Variants in NECAB2 observed in about 807,000 individuals in gnomAD.
NECAB2 encodes N-terminal EF-hand calcium binding protein 2.
A neutral mutation model predicts 51.9 loss-of-function variants in NECAB2; 68 were observed. That is an observed-to-expected ratio of 1.31 (90% CI 1.08 to 1.60). The LOEUF is 1.60. Among genes scored for constraint, NECAB2 ranks in the 40% most tolerant of loss-of-function variants. NECAB2 has a pLI of 0.00. For missense variants in NECAB2, 854 were observed against 490.3 expected, an observed-to-expected ratio of 1.74 and a Z score of -7.00; for synonymous variants, 329 against 203.5, an observed-to-expected ratio of 1.62 and a Z score of -5.25.
chr16:83,965,763 G>A, upstream of NECAB2: 1 of 1,613,326 alleles, frequency 6.2e-7, no homozygotes, highest in African/African-American at 1.3e-5. Context: ...GTCCTCATCG[G>A]CTCCCACCCC....
At chr16:83,971,820 C>T (rs2084349879) in intron 1 of NECAB2, 2 of 489,102 alleles carry the variant, frequency 4.1e-6, no homozygotes, top group East Asian at 3.7e-5. Context: ...GAGCGTTTGG[C>T]GGTGGGTGAA....
rs140967367 is a variant in NECAB2, at chr16:83,972,157, C to T, written c.208C>T (p.Arg70Cys). 6.2e-6 allele frequency: 10 copies of T among 1,613,334 alleles called. No individual in the cohort carries two copies. Among genetic ancestry groups the T allele is most frequent in the South Asian group, 2.2e-5 (2 of 91,088 alleles). Residue 70 changes from arginine to cysteine, a missense_variant, in exon 2 of 13, where the codon CGC becomes TGC. By Grantham distance (180) the Arg-to-Cys change is radical. Coordinates refer to ENST00000305202, the MANE Select transcript of NECAB2 (RefSeq NM_019065.3). Reference sequence around the variant, plus strand: ...CCGCCTCTCTTTTCTGCAGATTTTCCGCCGTGCGGACAAAAATGGTGAGTT... The same window carrying T: ...CCGCCTCTCTTTTCTGCAGATTTTCTGCCGTGCGGACAAAAATGGTGAGTT... Reference protein sequence around the residue: ...GGTAVILDIFRRADKNDDGKL... With the variant: ...GGTAVILDIFCRADKNDDGKL...
intron 3 of NECAB2, among the ~76,000 whole-genome samples, 164 bp downstream of exon 3, chr16:83,978,716 G>A (rs1376435834): frequency 6.6e-6 from 1 of 151,960 alleles, no homozygotes; most frequent in African/African-American, 2.4e-5. Flanking sequence ...GGGTGAATGG[G>A]GCGTGTGCAG....
chr16:83,997,695 A>C (rs1204587263), intron 9 of NECAB2, among the ~76,000 whole-genome samples: 1 of 151,748 alleles, frequency 6.6e-6, no homozygotes, highest in South Asian at 2.1e-4. Context: ...GGGTTTCACC[A>C]TGTTGGTCAG....
chr16:83,974,182 T>G (rs985974460), intron 2 of NECAB2, among the ~76,000 whole-genome samples: 1 of 152,086 alleles, frequency 6.6e-6, no homozygotes, highest in Non-Finnish European at 1.5e-5. Context: ...AATGTGGGTG[T>G]GAGATGCGGG....
intron 5 of NECAB2, among the ~76,000 whole-genome samples, chr16:83,990,117 C>G (rs1006888409): frequency 6.6e-6 from 1 of 152,218 alleles, no homozygotes; most frequent in African/African-American, 2.4e-5. Context: ...TCACCGTCAT[C>G]TATATTGTAG....
At chr16:83,980,761 T>C in intron 3 of NECAB2, 78 bp from the exon 4 acceptor site, 1 of 1,512,506 alleles carries the variant, frequency 6.6e-7, no homozygotes. Context: ...AGGATGTGTG[T>C]TTCGCAGGCT....
intron 5 of NECAB2, among the ~76,000 whole-genome samples, chr16:83,984,154 C>G (rs1011080831): frequency 2.0e-5 from 3 of 151,832 alleles, no homozygotes. Flanking sequence ...CGCTACTACG[C>G]CTGGCTAATT....
chr16:83,972,377 C>T (rs565420137), intron 2 of NECAB2, among the ~76,000 whole-genome samples: 1 of 152,208 alleles, frequency 6.6e-6, no homozygotes, highest in Non-Finnish European at 1.5e-5. Context: ...GTAGGGCCTA[C>T]TTAGTAGGGA....
chr16:83,988,015 A>C (rs2084576828), intron 5 of NECAB2, among the ~76,000 whole-genome samples: 1 of 152,170 alleles, frequency 6.6e-6, no homozygotes, highest in Admixed American at 6.5e-5. Context: ...TTCTCATTTA[A>C]ATTCTAACTT....
intron 6 of NECAB2, chr16:83,993,682 G>A (rs1016720803): frequency 1.3e-5 from 2 of 159,256 alleles, no homozygotes; most frequent in East Asian, 3.8e-4. Flanking sequence ...GCCTCTGCCT[G>A]TGGCTAGCTG....
intron 2 of NECAB2, among the ~76,000 whole-genome samples, chr16:83,973,857 C>G (rs553420295): frequency 5.1e-4 from 77 of 152,158 alleles, no homozygotes; most frequent in African/African-American, 1.8e-3. Flanking sequence ...GCGTGGGCCT[C>G]TAGCCATGGC....
intron 3 of NECAB2, among the ~76,000 whole-genome samples, chr16:83,979,341 A>T (rs1435447782): frequency 6.6e-6 from 1 of 152,138 alleles, no homozygotes; most frequent in Non-Finnish European, 1.5e-5. Flanking sequence ...GTTCTCTGAG[A>T]CTGACTAGAG....
intron 3 of NECAB2, 88 bp downstream of exon 3, chr16:83,978,640 TG>T: frequency 8.6e-7 from 1 of 1,163,406 alleles, no homozygotes; most frequent in Non-Finnish European, 1.3e-6. Context: ...CCTAGTCCCC[TG>T]TAAGGGGCAG....
rs139805934 is a variant in NECAB2 at position 83,991,689 on chromosome 16, C to G, written c.596+1059C>G. ...ATTGACACAGAATCTTGCTGTGTCC[C>G]CCAGGCTGGAGTACAGTGGCACCAT... is the stretch of plus-strand genomic sequence containing the variant. On this transcript the variant is annotated intron_variant, in intron 6 of 12. Transcript: ENST00000305202. Among the ~76,000 whole-genome samples the G allele has an allele frequency of 1.1e-3, 171 of 152,098 alleles. 2 individuals are homozygous for G. Among genetic ancestry groups the G allele is most frequent in the East Asian group, 5.4e-3 (28 of 5,170 alleles).
chr16:83,994,563 C>G (rs1439784064), intron 7 of NECAB2, 46 bp from the exon 8 acceptor site: 1 of 1,611,232 alleles, frequency 6.2e-7, no homozygotes. Flanking sequence ...CCGAAGCCCT[C>G]GTCCTGCCCA....
chr16:83,967,705 CGGATGGATGGAT>C (rs60129536), upstream of NECAB2, among the ~76,000 whole-genome samples: 20 of 77,286 alleles, frequency 2.6e-4, no homozygotes, highest in South Asian at 5.5e-4. Flanking sequence ...GATGGATGGA[CGGATGGATGGAT>C]GGATGGATGG....
chr16:83,987,899 C>T (rs554870681), intron 5 of NECAB2, among the ~76,000 whole-genome samples: 1 of 152,158 alleles, frequency 6.6e-6, no homozygotes, highest in Non-Finnish European at 1.5e-5. Context: ...CATCGAAGTC[C>T]CCATAGCTAT....
intron 9 of NECAB2, among the ~76,000 whole-genome samples, chr16:83,997,506 G>C (rs1384739296): frequency 7.4e-5 from 2 of 26,852 alleles, no homozygotes; most frequent in Non-Finnish European, 1.7e-4. Flanking sequence ...TTTTTTTTTT[G>C]AGATGGAGTC....
Sources: gnomAD v4.1 joint callset for allele counts (sites outside exome capture counted in the v4.1 genomes callset) on GRCh38, gnomAD v4.1.1 for gene constraint, MANE v1.5 for transcripts, NCBI Gene and HGNC (gene_info 2026-07-23, HGNC 2026-07-21) for gene names.